MEGF11: variants seen among roughly 807,000 people sequenced by gnomAD.
MEGF11 encodes the protein multiple EGF like domains 11, also known as multiple epidermal growth factor-like domains protein 11.
MEGF11 carries 126 observed loss-of-function variants against 146.6 expected under a neutral mutation model. The ratio of observed to expected loss-of-function variants is 0.86; its 90% CI spans 0.74 to 1.00. The LOEUF (loss-of-function observed/expected upper bound fraction) is 1.00, where lower values mean the gene tolerates loss of function less well. Ranked by LOEUF, MEGF11 falls within the 50% of genes least tolerant of loss-of-function variation. MEGF11 has a pLI of 0.00. For missense variants in MEGF11, 1,509 were observed against 1,521.2 expected (o/e 0.99, Z 0.13); for synonymous variants, 532 against 583.4 (o/e 0.91, Z 1.27).
intron 1 of MEGF11, among the ~76,000 whole-genome samples, chr15:66,212,506 C>T (rs1009096046): frequency 2.6e-5 from 4 of 152,214 alleles, no homozygotes; most frequent in Non-Finnish European, 5.9e-5. Context: ...CCTAGCATGA[C>T]CAAACCCTCA....
rs967564554 is a variant in MEGF11 at position 66,075,697 on chromosome 15, G to C, written c.394+18705C>G. Among the ~76,000 whole-genome samples, 10 of 152,304 alleles carry C rather than the reference G, an allele frequency of 6.6e-5. No individual in the cohort carries two copies. The South Asian group carries it at 8.3e-4, about 13-fold the overall frequency. ...CACTGATGGCTCGGAGAAAAGGTCG[G>C]GACCCAGAACAGTGGGTGTTTTGAA... On this transcript the variant is annotated intron_variant, in intron 5 of 25. Coordinates refer to ENST00000395614, the MANE Select transcript of MEGF11 (RefSeq NM_001385028.1).
At chr15:66,073,808 G>T (rs960561145) in intron 5 of MEGF11, among the ~76,000 whole-genome samples, 2 of 152,194 alleles carry the variant, frequency 1.3e-5, no homozygotes, top group Admixed American at 1.3e-4. Flanking sequence ...GGTATTGTCA[G>T]ACCCATAGTG....
At chr15:65,938,595 T>C (rs1239374887) in intron 10 of MEGF11, among the ~76,000 whole-genome samples, 4 of 152,186 alleles carry the variant, frequency 2.6e-5, no homozygotes, top group Non-Finnish European at 4.4e-5. Context: ...ATGCTTCTGC[T>C]GGGGATGCCT....
At chr15:66,213,375 T>C (rs1453171778) in intron 1 of MEGF11, among the ~76,000 whole-genome samples, 1 of 152,078 alleles carries the variant, frequency 6.6e-6, no homozygotes. Flanking sequence ...TCCTCAAGTG[T>C]CCAAATACTG....
chr15:65,969,026 C>T (rs921698262), intron 8 of MEGF11, among the ~76,000 whole-genome samples: 1 of 152,148 alleles, frequency 6.6e-6, no homozygotes, highest in Non-Finnish European at 1.5e-5. Flanking sequence ...CCTATTGAAC[C>T]CTCCTGTGGT....
At chr15:66,203,573 G>A (rs1384261555) in intron 1 of MEGF11, among the ~76,000 whole-genome samples, 1 of 152,188 alleles carries the variant, frequency 6.6e-6, no homozygotes, top group African/African-American at 2.4e-5. Context: ...ATCCCAAGGA[G>A]AACTCTGACC....
In MEGF11 at chr15:66,159,212, G is replaced by T. The variant is rs1597127512; in HGVS notation, c.-8-30801C>A. Reference sequence around the variant, plus strand: ...GAAAACTGAGGCTCAGGGAGTTTAAGAAATTTGCTTGAAGTCCATGTAGTA... The same window carrying T: ...GAAAACTGAGGCTCAGGGAGTTTAATAAATTTGCTTGAAGTCCATGTAGTA... On this transcript the variant is annotated intron_variant, in intron 1 of 25. Transcript: ENST00000395614. Among the ~76,000 whole-genome samples, 3 of 152,348 alleles carry T rather than the reference G, an allele frequency of 2.0e-5. No individual in the cohort carries two copies. In the East Asian group the frequency reaches 5.8e-4, roughly 29 times the overall value.
chr15:66,001,035 C>G (rs1404721827), intron 5 of MEGF11, among the ~76,000 whole-genome samples: 3 of 152,178 alleles, frequency 2.0e-5, no homozygotes, highest in Non-Finnish European at 2.9e-5. Flanking sequence ...GCAGGATACT[C>G]TGGTTGGAGA....
chr15:66,141,547 C>T (rs191508100), intron 1 of MEGF11, among the ~76,000 whole-genome samples: 4 of 152,090 alleles, frequency 2.6e-5, no homozygotes, highest in Non-Finnish European at 5.9e-5. Context: ...ACCTGAACCA[C>T]AGCACCCAGA....
intron 3 of MEGF11, among the ~76,000 whole-genome samples, chr15:66,120,658 T>A (rs1257807391): frequency 1.3e-5 from 2 of 152,222 alleles, no homozygotes; most frequent in East Asian, 3.8e-4. Flanking sequence ...GCTAAGGTCA[T>A]TCAACTTTGT....
At chr15:65,908,704 G>A (rs564237565) in intron 23 of MEGF11, among the ~76,000 whole-genome samples, 1 of 152,334 alleles carries the variant, frequency 6.6e-6, no homozygotes, top group South Asian at 2.1e-4. Flanking sequence ...CCCCAAAGAT[G>A]TCGCCATCCC....
At chr15:66,107,345 C>A (rs1190895953) in intron 4 of MEGF11, among the ~76,000 whole-genome samples, 1 of 152,210 alleles carries the variant, frequency 6.6e-6, no homozygotes, top group East Asian at 1.9e-4. Flanking sequence ...GAAGAGCAAG[C>A]ATTAGAGGAG....
At chr15:66,108,204 T>C (rs1389444448) in intron 4 of MEGF11, among the ~76,000 whole-genome samples, 1 of 152,150 alleles carries the variant, frequency 6.6e-6, no homozygotes, top group Admixed American at 6.5e-5. Flanking sequence ...ACGAGTGTCA[T>C]GTGAAGGACC....
At chr15:66,211,954 C>G (rs931173258) in intron 1 of MEGF11, among the ~76,000 whole-genome samples, 1 of 354 alleles carries the variant, frequency 2.8e-3, no homozygotes, top group Non-Finnish European at 6.1e-3. Flanking sequence ...GAAACAAAAT[C>G]AAAACTCTCA....
chr15:65,991,774 C>G (rs560921926), intron 5 of MEGF11, among the ~76,000 whole-genome samples: 1 of 152,164 alleles, frequency 6.6e-6, no homozygotes, highest in South Asian at 2.1e-4. Context: ...ATGACTTGCC[C>G]GTGACCACAC....
intron 1 of MEGF11, among the ~76,000 whole-genome samples, chr15:66,222,678 G>A (rs1010476933): frequency 1.3e-5 from 2 of 152,158 alleles, no homozygotes; most frequent in Non-Finnish European, 2.9e-5. Context: ...ATGAGCAAAG[G>A]ATCTGAATAG....
chr15:65,909,776 C>T lies in MEGF11; in HGVS notation c.2860G>A (p.Ala954Thr). The change falls in exon 22 of 26, where the codon GCA (alanine) becomes ACA (threonine). Residue 954 changes from alanine to threonine, a missense_variant. Coordinates refer to ENST00000395614, the MANE Select transcript of MEGF11 (RefSeq NM_001385028.1). ...LSNKSLDRDT[A>T]GWTPYSYVNV... ...ACATAGCTGTAGGGGGTCCAGCCTGCTGTGTCTCTGTCAAGGGACTTGTTA... is the reference window on the plus strand; with the variant it reads ...ACATAGCTGTAGGGGGTCCAGCCTGTTGTGTCTCTGTCAAGGGACTTGTTA... The T allele has an allele frequency of 6.3e-7, 1 of 1,585,062 alleles. No individual in the cohort carries two copies. The highest frequency in any genetic ancestry group is 8.5e-7 in the Non-Finnish European group (1 of 1,173,306).
intron 4 of MEGF11, among the ~76,000 whole-genome samples, chr15:66,107,255 T>C (rs934962357): frequency 6.6e-6 from 1 of 152,154 alleles, no homozygotes; most frequent in East Asian, 1.9e-4. Context: ...TCCAAAGACA[T>C]TGAAGTAGCT....
At position 65,898,022 on chromosome 15, in the gene MEGF11, G is replaced by C. The variant is rs540408366; in HGVS notation, c.3335C>G (p.Pro1112Arg). 6 of 1,613,976 alleles carry C rather than the reference G, an allele frequency of 3.7e-6. No individual in the cohort carries two copies. In the Admixed American group the frequency reaches 6.7e-5, roughly 18 times the overall value. ...SSYIQNAYDL[P>R]RNSHIPGHYD... is the part of the protein sequence containing the mutation. ...ATGACCAGGAATATGGCTGTTCCTA[G>C]GTAGGTCGTATGCATTCTGGATATA... Residue 1112 changes from proline to arginine, a missense_variant, in exon 26 of 26, where the codon CCT becomes CGT. Pro to Arg is a moderately radical substitution (Grantham distance 103). Coordinates refer to ENST00000395614, the MANE Select transcript of MEGF11 (RefSeq NM_001385028.1).
Sources: allele counts gnomAD v4.1 joint callset (sites outside exome capture counted in the v4.1 genomes callset), GRCh38; gene constraint gnomAD v4.1.1; transcripts MANE v1.5; gene names NCBI Gene and HGNC (gene_info 2026-07-23, HGNC 2026-07-21).